SUMF1: variants seen among roughly 807,000 people sequenced by gnomAD.
The protein encoded by SUMF1 is formylglycine-generating enzyme.
In SUMF1, 48 loss-of-function variants were observed where a neutral mutation model predicts 47.6. The observed-to-expected ratio is 1.01, with a 90% CI of 0.80 to 1.28. The LOEUF is 1.28. SUMF1 is among the 50% of genes most tolerant of loss of function. SUMF1 has a pLI of 0.00. For missense variants in SUMF1, 571 were observed against 485.4 expected (o/e 1.18, Z -1.66); for synonymous variants, 230 against 192.1 (o/e 1.20, Z -1.63).
chr3:4,147,120 A>G (rs1320691466), intron 8 of SUMF1, among the ~76,000 whole-genome samples: 2 of 152,130 alleles, frequency 1.3e-5, no homozygotes, highest in Non-Finnish European at 2.9e-5. Flanking sequence ...ATGAGATACC[A>G]TCTCACACCA....
intron 7 of SUMF1, among the ~76,000 whole-genome samples, chr3:4,378,430 G>T (rs1238280413): frequency 6.6e-6 from 1 of 152,196 alleles, no homozygotes; most frequent in Admixed American, 6.5e-5. Flanking sequence ...TCTGTGCTTA[G>T]AAACTATCAC....
At chr3:4,323,181 C>T (rs146514174) in intron 8 of SUMF1, among the ~76,000 whole-genome samples, 157 of 152,180 alleles carry the variant, frequency 1.0e-3, no homozygotes, top group African/African-American at 3.6e-3. Flanking sequence ...ATTGTTTGGT[C>T]ATAATATTAT....
At chr3:4,250,863 C>G (rs1342958559) in intron 8 of SUMF1, among the ~76,000 whole-genome samples, 1 of 152,148 alleles carries the variant, frequency 6.6e-6, no homozygotes, top group Non-Finnish European at 1.5e-5. Flanking sequence ...TAGTACTGCT[C>G]ATTGATAATG....
chr3:4,446,030 A>G (rs1457773422), intron 3 of SUMF1, among the ~76,000 whole-genome samples: 1 of 152,236 alleles, frequency 6.6e-6, no homozygotes, highest in South Asian at 2.1e-4. Context: ...CTAGTAAAGA[A>G]TCAAGCATTT....
At chr3:4,085,578 G>A (rs1273091215) in intron 8 of SUMF1, among the ~76,000 whole-genome samples, 3 of 152,044 alleles carry the variant, frequency 2.0e-5, no homozygotes, top group Non-Finnish European at 4.4e-5. Flanking sequence ...CTCATAGTCA[G>A]TCTTAAAGTA....
chr3:4,294,645 T>G (rs1697809159), intron 8 of SUMF1, among the ~76,000 whole-genome samples: 1 of 152,132 alleles, frequency 6.6e-6, no homozygotes, highest in Non-Finnish European at 1.5e-5. Context: ...TTTTTCCTCC[T>G]CTTCACCAAT....
chr3:4,308,011 T>C (rs1476517200), intron 8 of SUMF1, among the ~76,000 whole-genome samples: 1 of 152,098 alleles, frequency 6.6e-6, no homozygotes, highest in Non-Finnish European at 1.5e-5. Flanking sequence ...CACTCCAGAC[T>C]GGGCAGCAAC....
At chr3:4,061,058 G>A (rs1695269578) in intron 9 of SUMF1, among the ~76,000 whole-genome samples, 1 of 152,102 alleles carries the variant, frequency 6.6e-6, no homozygotes, top group African/African-American at 2.4e-5. Flanking sequence ...TTCCTAATCA[G>A]TGTTAAAAGA....
At chr3:4,464,136 TTA>T (rs1468817789) in intron 1 of SUMF1, among the ~76,000 whole-genome samples, 4 of 152,222 alleles carry the variant, frequency 2.6e-5, no homozygotes, top group Admixed American at 1.3e-4. Context: ...CTTAAATCAC[TTA>T]TGTTTCCCAG....
At chr3:4,428,190 G>A (rs1215206532) in intron 3 of SUMF1, among the ~76,000 whole-genome samples, 1 of 152,046 alleles carries the variant, frequency 6.6e-6, no homozygotes, top group East Asian at 1.9e-4. Context: ...AAAAAAGCCA[G>A]TTACAAAAAT....
chr3:4,321,484 A>AAAAAAAAAAG (rs1698830721), intron 8 of SUMF1, among the ~76,000 whole-genome samples: 1 of 150,458 alleles, frequency 6.6e-6, no homozygotes, highest in Non-Finnish European at 1.5e-5. Context: ...AAAAAAAAAA[A>AAAAAAAAAAG]AAAAAAAAAG....
intron 8 of SUMF1, among the ~76,000 whole-genome samples, chr3:4,320,558 G>A (rs1307203100): frequency 6.6e-6 from 1 of 152,094 alleles, no homozygotes; most frequent in Non-Finnish European, 1.5e-5. Context: ...GGGCTTGAAG[G>A]GGAGGTGATG....
At chr3:4,086,501 G>A (rs1692674828) in intron 8 of SUMF1, among the ~76,000 whole-genome samples, 2 of 151,992 alleles carry the variant, frequency 1.3e-5, no homozygotes. Context: ...GAAATGTTAG[G>A]CAAGTCATTT....
chr3:4,103,448 T>C (rs996992777), intron 8 of SUMF1, among the ~76,000 whole-genome samples: 1 of 151,894 alleles, frequency 6.6e-6, no homozygotes, highest in African/African-American at 2.4e-5. Context: ...TTTTATGAAA[T>C]GGAGGGGATT....
intron 8 of SUMF1, among the ~76,000 whole-genome samples, chr3:4,077,235 C>A (rs1285137392): frequency 1.3e-5 from 2 of 152,020 alleles, no homozygotes; most frequent in Non-Finnish European, 2.9e-5. Flanking sequence ...AACCATTGTG[C>A]AAGACAGTGT....
chr3:4,081,856 T>A (rs562243121), intron 8 of SUMF1, among the ~76,000 whole-genome samples: 3 of 152,236 alleles, frequency 2.0e-5, no homozygotes, highest in African/African-American at 7.2e-5. Context: ...TGATAAAGTA[T>A]GTAAAGCTCA....
chr3:4,256,732 T>A (rs542606640), intron 8 of SUMF1, among the ~76,000 whole-genome samples: 11 of 152,104 alleles, frequency 7.2e-5, no homozygotes, highest in African/African-American at 2.6e-4. Flanking sequence ...TTCCAATCAA[T>A]AGAGGGAATC....
chr3:4,104,527 A>G lies in SUMF1; in HGVS notation c.1015-35782T>C, dbSNP rs76996591. 6.9e-3 allele frequency among the ~76,000 whole-genome samples: 1,044 copies of G among 152,160 alleles called. 25 individuals carry two copies. The highest frequency in any genetic ancestry group is 0.024 in the African/African-American group (1,000 of 41,454). On this transcript the variant is annotated intron_variant and NMD_transcript_variant, in intron 8 of 12. Transcript: ENST00000448413. ...TAGCTTCCCAGAGAGGTTATCCAGC[A>G]GAATGCACCCACAGGCAATCAGGAA...
At chr3:4,419,822 C>T (rs1162207348) in intron 4 of SUMF1, among the ~76,000 whole-genome samples, 1 of 152,212 alleles carries the variant, frequency 6.6e-6, no homozygotes, top group Non-Finnish European at 1.5e-5. Context: ...AGAGGCAACT[C>T]TTTGACAAGC....
Sources: gnomAD v4.1 joint callset for allele counts (sites outside exome capture counted in the v4.1 genomes callset) on GRCh38, gnomAD v4.1.1 for gene constraint, MANE v1.5 for transcripts, NCBI Gene and HGNC (gene_info 2026-07-23, HGNC 2026-07-21) for gene names.